CFAP92: variants seen among roughly 807,000 people sequenced by gnomAD.
CFAP92 encodes cilia and flagella associated protein 92 (putative).
CFAP92 carries 86 observed loss-of-function variants against 106.3 expected under a neutral mutation model. The observed-to-expected ratio is 0.81, with a 90% confidence interval of 0.68 to 0.97. The LOEUF is 0.97. CFAP92 is among the 50% of genes least tolerant of loss of function. The pLI is 0.00. For synonymous variants in CFAP92, 477 were observed against 506.4 expected (o/e 0.94, Z 0.78); for missense variants, 1,204 against 1,283.8 (o/e 0.94, Z 0.95).
intron 12 of CFAP92, among the ~76,000 whole-genome samples, chr3:128,920,806 C>T (rs1937212094): frequency 6.6e-6 from 1 of 152,210 alleles, no homozygotes; most frequent in Non-Finnish European, 1.5e-5. Context: ...CGCATAAAAC[C>T]CCTCGTGGCC....
chr3:128,966,426 C>T (rs1942365194), intron 8 of CFAP92, among the ~76,000 whole-genome samples: 1 of 152,242 alleles, frequency 6.6e-6, no homozygotes, highest in South Asian at 2.1e-4. Context: ...ATGTAGAACA[C>T]AACTGGCACA....
At chr3:129,020,948 G>A in the CFAP92 span, among the ~76,000 whole-genome samples, 20 of 152,218 alleles carry the variant, frequency 1.3e-4, no homozygotes, top group Non-Finnish European at 2.2e-4. Flanking sequence ...TGAGGCTGCC[G>A]TGGCCAGTGG....
chr3:129,022,047 A>C, the CFAP92 span, among the ~76,000 whole-genome samples: 337 of 152,362 alleles, frequency 2.2e-3, 3 homozygotes, highest in African/African-American at 7.8e-3. Flanking sequence ...CTGCTCTCAC[A>C]GCACCCAGAA....
intron 11 of CFAP92, among the ~76,000 whole-genome samples, chr3:128,934,919 C>T (rs1938818322): frequency 6.6e-6 from 1 of 152,186 alleles, no homozygotes; most frequent in Non-Finnish European, 1.5e-5. Context: ...CCAGCCACTC[C>T]CTCCTCAGGC....
At chr3:129,021,772 G>A in the CFAP92 span, among the ~76,000 whole-genome samples, 1 of 152,180 alleles carries the variant, frequency 6.6e-6, no homozygotes, top group African/African-American at 2.4e-5. Flanking sequence ...TCACAGACAG[G>A]TTAAAGTATC....
chr3:128,915,078 C>T (rs764666283), intron 15 of CFAP92, 41 bp downstream of exon 15: 67 of 1,523,680 alleles, frequency 4.4e-5, no homozygotes, highest in Admixed American at 1.2e-4. Flanking sequence ...TGCCTGCCCA[C>T]GGCATCAGGA....
chr3:129,011,981 TC>T, the CFAP92 span, among the ~76,000 whole-genome samples: 1 of 152,316 alleles, frequency 6.6e-6, no homozygotes, highest in Non-Finnish European at 1.5e-5. Context: ...CTGGATTCAG[TC>T]CACGAGTCTG....
the CFAP92 span, among the ~76,000 whole-genome samples, chr3:129,010,627 C>T: frequency 2.6e-5 from 4 of 152,038 alleles, no homozygotes; most frequent in African/African-American, 9.7e-5. The surrounding 1 kb of genome is among the most constrained non-coding windows in gnomAD (Gnocchi z 4.3). Context: ...GCTGCCTGGC[C>T]TGACCTGGCA....
chr3:128,943,423 C>T (rs1038481366), intron 10 of CFAP92, among the ~76,000 whole-genome samples: 5 of 152,172 alleles, frequency 3.3e-5, no homozygotes, highest in Admixed American at 6.5e-5. Flanking sequence ...ATGGATTTGC[C>T]GGTTCGGGAC....
At chr3:128,962,203 T>C (rs1038905270) in intron 9 of CFAP92, among the ~76,000 whole-genome samples, 6 of 152,138 alleles carry the variant, frequency 3.9e-5, no homozygotes, top group East Asian at 1.9e-4. Flanking sequence ...GGAAGCCCCA[T>C]AGACCATCAC....
chr3:128,933,050 T>G lies in CFAP92; in HGVS notation c.2454-53A>C, dbSNP rs955477549. The G allele has an allele frequency of 2.7e-6, 4 of 1,469,418 alleles. No individual in the cohort carries two copies. In the East Asian group the frequency reaches 9.9e-5, roughly 36 times the overall value. The allele number at this position is 1,469,418 out of a possible 1,614,324, so 91.0% of individuals were successfully genotyped here. A position where few individuals can be genotyped will look rare whatever the true frequency, so the allele number is the denominator to read the frequency against. Reference sequence around the variant, plus strand: ...AACCTCTCCTACCTTGCAAGACAGGTGTAATCACTCCCATCCTACAGCAGG... The same window carrying G: ...AACCTCTCCTACCTTGCAAGACAGGGGTAATCACTCCCATCCTACAGCAGG... On this transcript the variant is annotated intron_variant, in intron 11 of 15. Transcript: ENST00000645291.
At chr3:129,002,064 C>G in intron 1 of CFAP92, 2 of 1,538,558 alleles carry the variant, frequency 1.3e-6, no homozygotes, top group Non-Finnish European at 1.8e-6. Flanking sequence ...CCGCCAGTTC[C>G]ACGCGCGCCT....
chr3:128,941,730 G>C (rs1223134540), intron 10 of CFAP92, among the ~76,000 whole-genome samples: 1 of 152,104 alleles, frequency 6.6e-6, no homozygotes, highest in Non-Finnish European at 1.5e-5. Flanking sequence ...GCCCACCTTG[G>C]CCTCCCAAAG....
intron 13 of CFAP92, 51 bp from the exon 14 acceptor site, chr3:128,915,614 G>A (rs1559845613): frequency 8.2e-7 from 1 of 1,225,474 alleles, no homozygotes; most frequent in South Asian, 1.6e-5. Flanking sequence ...AGCAATCTTG[G>A]ATTTATTTCC....
At chr3:128,955,695 C>A in intron 9 of CFAP92, among the ~76,000 whole-genome samples, 2 of 32,022 alleles carry the variant, frequency 6.2e-5, no homozygotes, top group Non-Finnish European at 8.6e-5. Context: ...TCATTGAGAA[C>A]GGGCCAGGAT....
the CFAP92 span, among the ~76,000 whole-genome samples, chr3:129,023,543 A>G: frequency 6.6e-6 from 1 of 152,176 alleles, no homozygotes; most frequent in Non-Finnish European, 1.5e-5. Flanking sequence ...CATGTTAGCC[A>G]GGATGGTCTC....
In CFAP92 at chr3:128,975,786, C is replaced by A. The variant is rs201367153; in HGVS notation, c.1014G>T (p.Arg338Ser). 1 of 1,592,880 alleles carries A rather than the reference C, an allele frequency of 6.3e-7. No homozygotes were observed. Among genetic ancestry groups the A allele is most frequent in the South Asian group, 1.2e-5 (1 of 86,796 alleles). ...AATCCTATCCTAACTTACTTTGAGA[C>A]CTTTGTCTGTCTAATATGTTTGTTA... is the stretch of plus-strand genomic sequence containing the variant. ...SSLTNILDRQ[R>S]SQIKGKDSEG... is the part of the protein sequence containing the mutation. Residue 338 changes from arginine to serine, a missense_variant, in exon 7 of 16, where the codon AGG becomes AGT. Physicochemically the swap from Arg to Ser is moderately radical, Grantham distance 110. Coordinates refer to ENST00000645291, the MANE Select transcript of CFAP92 (RefSeq NM_001394090.1).
chr3:129,017,632 C>T, the CFAP92 span, among the ~76,000 whole-genome samples: 1 of 152,218 alleles, frequency 6.6e-6, no homozygotes, highest in African/African-American at 2.4e-5. Context: ...CAGCCAGCAA[C>T]GACCTGCCCC....
At chr3:128,947,199 T>G (rs1006080506) in intron 9 of CFAP92, among the ~76,000 whole-genome samples, 4 of 149,126 alleles carry the variant, frequency 2.7e-5, no homozygotes, top group Non-Finnish European at 5.9e-5. Flanking sequence ...AAAATGTAAA[T>G]AGGGGGTCCT....
Sources: allele counts gnomAD v4.1 joint callset (sites outside exome capture counted in the v4.1 genomes callset), GRCh38; gene constraint gnomAD v4.1.1; non-coding constraint Gnocchi (gnomAD v3.1); transcripts MANE v1.5; gene names NCBI Gene and HGNC (gene_info 2026-07-23, HGNC 2026-07-21).